GSE1: variants seen among roughly 807,000 people sequenced by gnomAD.
GSE1 encodes the protein genetic suppressor element 1.
Under a neutral mutation model 112.6 loss-of-function variants are expected in GSE1, and 32 were observed. That is an observed-to-expected ratio of 0.28 (90% confidence interval 0.21 to 0.38). GSE1 has a LOEUF of 0.38. Among genes scored for constraint, GSE1 ranks in the 10% least tolerant of loss-of-function variants. The probability of loss-of-function intolerance (pLI) is 1.00; values close to 1 mark genes in which losing one functional copy is unlikely to be tolerated. For synonymous variants in GSE1, 1,115 were observed against 735.6 expected (o/e 1.52, Z -8.35); for missense variants, 2,348 against 1,699.2 (o/e 1.38, Z -6.71).
chr16:85,635,487 C>G (rs1314694819), intron 2 of GSE1, among the ~76,000 whole-genome samples: 4 of 148,034 alleles, frequency 2.7e-5, no homozygotes, highest in African/African-American at 1.0e-4. Flanking sequence ...GACTGCCTGC[C>G]TGGTGGAGGC....
At chr16:85,319,134 C>T (rs1196444527) in intron 1 of GSE1, among the ~76,000 whole-genome samples, 2 of 152,210 alleles carry the variant, frequency 1.3e-5, no homozygotes, top group East Asian at 1.9e-4. Context: ...CCCTTCTCCT[C>T]CTCTTCTCTC....
At chr16:85,323,428 C>T (rs1253728738) in intron 1 of GSE1, among the ~76,000 whole-genome samples, 2 of 152,084 alleles carry the variant, frequency 1.3e-5, no homozygotes, top group Admixed American at 6.5e-5. Flanking sequence ...TCTCAGGAGG[C>T]TGCCAAGGTG....
intron 2 of GSE1, among the ~76,000 whole-genome samples, chr16:85,397,017 C>T (rs376921270): frequency 1.5e-4 from 23 of 152,250 alleles, no homozygotes; most frequent in African/African-American, 5.1e-4. Context: ...GACCAAGAGA[C>T]GGGGGCTCCC....
chr16:85,551,387 C>T (rs2151237312), upstream of GSE1, among the ~76,000 whole-genome samples: 1 of 152,310 alleles, frequency 6.6e-6, no homozygotes, highest in African/African-American at 2.4e-5. Flanking sequence ...CATAGGCACC[C>T]TCAGAGGCAG....
intron 2 of GSE1, among the ~76,000 whole-genome samples, chr16:85,434,149 G>C (rs2049186261): frequency 6.6e-6 from 1 of 152,182 alleles, no homozygotes; most frequent in Non-Finnish European, 1.5e-5. Flanking sequence ...TCAAAGATGG[G>C]AGGAGACTTG....
intron 1 of GSE1, among the ~76,000 whole-genome samples, chr16:85,207,306 C>T (rs1297579720): frequency 6.6e-6 from 1 of 152,244 alleles, no homozygotes; most frequent in Non-Finnish European, 1.5e-5. Context: ...CTCCTGGATT[C>T]CAACTGGGAA....
chr16:85,527,354 C>A (rs1254323003), intron 2 of GSE1, among the ~76,000 whole-genome samples: 1 of 152,276 alleles, frequency 6.6e-6, no homozygotes, highest in African/African-American at 2.4e-5. Flanking sequence ...GCCGAAAGGA[C>A]CATGCTGAAG....
At chr16:85,635,153 A>G (rs1437072113) in intron 2 of GSE1, among the ~76,000 whole-genome samples, 2 of 152,020 alleles carry the variant, frequency 1.3e-5, no homozygotes, top group East Asian at 3.9e-4. Context: ...GGGACTTCTC[A>G]TTTCTGAATG....
intron 2 of GSE1, among the ~76,000 whole-genome samples, chr16:85,403,770 C>G (rs555345013): frequency 2.6e-5 from 4 of 152,146 alleles, no homozygotes; most frequent in African/African-American, 7.2e-5. Flanking sequence ...CCACTGCACT[C>G]CAGTCCTGGT....
chr16:85,414,891 C>T (rs2048669162), intron 2 of GSE1, among the ~76,000 whole-genome samples: 1 of 152,232 alleles, frequency 6.6e-6, no homozygotes, highest in South Asian at 2.1e-4. Flanking sequence ...CTGCCTCGGC[C>T]TCCCAAAGTG....
intron 11 of GSE1, among the ~76,000 whole-genome samples, 166 bp downstream of exon 11, chr16:85,663,780 GC>G (rs2151971991): frequency 6.6e-6 from 1 of 152,358 alleles, no homozygotes; most frequent in South Asian, 2.1e-4. Context: ...GTTCTTACAA[GC>G]CCTCCATAGC....
At chr16:85,651,707 G>A (rs1028048724) in intron 3 of GSE1, among the ~76,000 whole-genome samples, 1 of 152,220 alleles carries the variant, frequency 6.6e-6, no homozygotes, top group African/African-American at 2.4e-5. Flanking sequence ...GGCCACCCAA[G>A]GCTGGGTGAT....
chr16:85,382,066 C>G, intron 2 of GSE1, among the ~76,000 whole-genome samples: 1 of 152,248 alleles, frequency 6.6e-6, no homozygotes, highest in East Asian at 1.9e-4. Flanking sequence ...TTGATCTGAT[C>G]TCCTGTGGTC....
chr16:85,403,999 C>G (rs2048182243), intron 2 of GSE1, among the ~76,000 whole-genome samples: 2 of 128,612 alleles, frequency 1.6e-5, no homozygotes, highest in South Asian at 2.8e-4. Flanking sequence ...GCATCTTCAC[C>G]TCCCTCTCTG....
chr16:85,654,009 G>C (rs2051677552), intron 3 of GSE1, among the ~76,000 whole-genome samples: 1 of 152,114 alleles, frequency 6.6e-6, no homozygotes, highest in Non-Finnish European at 1.5e-5. Context: ...GGGGGTTCTA[G>C]TTCTTTTGCT....
intron 2 of GSE1, among the ~76,000 whole-genome samples, chr16:85,437,063 A>C (rs1032505183): frequency 4.6e-5 from 7 of 152,176 alleles, no homozygotes; most frequent in Non-Finnish European, 1.0e-4. Context: ...GGGCGGGGGC[A>C]TGGGCGCAGC....
chr16:85,670,216 A>C (rs1486312159), intron 14 of GSE1, among the ~76,000 whole-genome samples: 1 of 152,224 alleles, frequency 6.6e-6, no homozygotes, highest in East Asian at 1.9e-4. Flanking sequence ...ACAGATGATC[A>C]AACCTGCAAA....
At chr16:85,587,746 G>A (rs2046775385) in intron 1 of GSE1, among the ~76,000 whole-genome samples, 1 of 152,046 alleles carries the variant, frequency 6.6e-6, no homozygotes, top group South Asian at 2.1e-4. Context: ...GGGATACTTA[G>A]TCTGGGTTGG....
chr16:85,290,188 G>T (rs1276257305), intron 1 of GSE1, among the ~76,000 whole-genome samples: 1 of 152,148 alleles, frequency 6.6e-6, no homozygotes, highest in African/African-American at 2.4e-5. Flanking sequence ...CCCCTTTGTG[G>T]CACTCCTGAG....
Sources: gnomAD v4.1 joint callset for allele counts (sites outside exome capture counted in the v4.1 genomes callset) on GRCh38, gnomAD v4.1.1 for gene constraint, MANE v1.5 for transcripts, NCBI Gene and HGNC (gene_info 2026-07-23, HGNC 2026-07-21) for gene names.